The following ZNF69 variants were observed in gnomAD, a reference collection of about 807,000 sequenced individuals.
The protein encoded by ZNF69 is zinc finger protein 69, also known as ZNF3.
In ZNF69, 47 loss-of-function variants were observed where a neutral mutation model predicts 50.9. The ratio of observed to expected loss-of-function variants is 0.92; its 90% confidence interval spans 0.73 to 1.18. ZNF69 has a LOEUF of 1.18. Among genes scored for constraint, ZNF69 ranks in the 50% most tolerant of loss-of-function variants. ZNF69 has a pLI of 0.00. For synonymous variants in ZNF69, 216 were observed against 223.1 expected, an observed-to-expected ratio of 0.97 and a Z score of 0.29; for missense variants, 717 against 675.1, an observed-to-expected ratio of 1.06 and a Z score of -0.69.
chr19:11,976,263 T>G, the ZNF69 span, among the ~76,000 whole-genome samples: 1 of 151,650 alleles, frequency 6.6e-6, no homozygotes, highest in Non-Finnish European at 1.5e-5. Flanking sequence ...TTACGACAGG[T>G]GCTACAGACC....
Position 11,905,256 on chromosome 19 carries a change from A to C in ZNF69, c.859A>C (p.Ser287Arg). The change falls in exon 4 of 4, where the codon AGT becomes CGT. Residue 287 changes from serine to arginine, a missense_variant. Ser to Arg is a moderately radical substitution (Grantham distance 110). Coordinates refer to ENST00000429654, the MANE Select transcript of ZNF69 (RefSeq NM_001364730.1). The part of the protein sequence containing the change: ...ECQQCGKAFH[S>R]PRCYRRHERI... ...TCAGCAATGTGGGAAAGCATTTCATAGTCCCAGATGCTATCGTAGACATGA... is the reference window on the plus strand; with the variant it reads ...TCAGCAATGTGGGAAAGCATTTCATCGTCCCAGATGCTATCGTAGACATGA... 1 of 1,613,912 alleles carries C rather than the reference A, an allele frequency of 6.2e-7. No individual in the cohort carries two copies. The highest frequency in any genetic ancestry group is 1.1e-5 in the South Asian group (1 of 91,062).
At chr19:11,945,380 T>A in the ZNF69 span, among the ~76,000 whole-genome samples, 1 of 152,222 alleles carries the variant, frequency 6.6e-6, no homozygotes, top group African/African-American at 2.4e-5. Context: ...CTGAGCTTGA[T>A]TGACCAAGCA....
At chr19:11,979,962 A>G in the ZNF69 span, 1 of 1,229,744 alleles carries the variant, frequency 8.1e-7, no homozygotes, top group Non-Finnish European at 1.2e-6. Flanking sequence ...GAAAAATCTT[A>G]CACTGGAGAG....
the ZNF69 span, chr19:11,925,251 G>A: frequency 6.2e-7 from 1 of 1,613,006 alleles, no homozygotes; most frequent in Non-Finnish European, 8.5e-7. Flanking sequence ...GAGGACCCCG[G>A]TACATCTGAA....
At chr19:11,929,912 G>A in the ZNF69 span, among the ~76,000 whole-genome samples, 1 of 148,352 alleles carries the variant, frequency 6.7e-6, no homozygotes, top group African/African-American at 2.6e-5. Flanking sequence ...TTATCAGGAT[G>A]TCTTTGGGAT....
chr19:11,904,119 C>T (rs948971787), intron 3 of ZNF69, among the ~76,000 whole-genome samples, 154 bp downstream of exon 3: 2 of 152,150 alleles, frequency 1.3e-5, no homozygotes, highest in African/African-American at 2.4e-5. Context: ...GTGACCTAGG[C>T]TGTGGGCTCA....
At chr19:11,979,804 G>A in the ZNF69 span, 2 of 1,574,542 alleles carry the variant, frequency 1.3e-6, no homozygotes, top group Non-Finnish European at 1.7e-6. Flanking sequence ...ATGAGTGTAA[G>A]GAATGTGGGA....
At chr19:11,967,386 A>T in the ZNF69 span, among the ~76,000 whole-genome samples, 1 of 152,142 alleles carries the variant, frequency 6.6e-6, no homozygotes, top group South Asian at 2.1e-4. Context: ...CAACCTGGCT[A>T]ACACAGCAAG....
the ZNF69 span, among the ~76,000 whole-genome samples, chr19:11,935,467 G>A: frequency 8.6e-5 from 13 of 151,966 alleles, no homozygotes; most frequent in East Asian, 2.0e-4. Context: ...TCCTGACCTC[G>A]ATGATCCACC....
chr19:11,965,909 G>A, the ZNF69 span, among the ~76,000 whole-genome samples: 1 of 152,116 alleles, frequency 6.6e-6, no homozygotes, highest in African/African-American at 2.4e-5. Flanking sequence ...AGAAAGGGCG[G>A]GACCTGTGGA....
At chr19:11,944,749 G>A in the ZNF69 span, among the ~76,000 whole-genome samples, 8 of 152,184 alleles carry the variant, frequency 5.3e-5, no homozygotes, top group South Asian at 2.1e-4. Context: ...CAGCCGGGAC[G>A]GTTGGACCCT....
chr19:11,959,623 G>A, the ZNF69 span, among the ~76,000 whole-genome samples: 1 of 152,192 alleles, frequency 6.6e-6, no homozygotes, highest in Non-Finnish European at 1.5e-5. Flanking sequence ...TGTGGGTCAT[G>A]TAATTGATTC....
chr19:11,974,069 T>TTTTCTTTCTTTC, the ZNF69 span, among the ~76,000 whole-genome samples: 188 of 114,832 alleles, frequency 1.6e-3, 2 homozygotes, highest in Admixed American at 2.4e-3. Context: ...TCCTTCTTTC[T>TTTTCTTTCTTTC]TTTCTTTCTT....
At chr19:11,931,674 C>T in the ZNF69 span, among the ~76,000 whole-genome samples, 3 of 147,834 alleles carry the variant, frequency 2.0e-5, no homozygotes, top group African/African-American at 7.9e-5. Flanking sequence ...AGAGAGGTTA[C>T]ATCATAGTGA....
chr19:11,966,533 C>T, the ZNF69 span, among the ~76,000 whole-genome samples: 1 of 152,108 alleles, frequency 6.6e-6, no homozygotes, highest in African/African-American at 2.4e-5. Context: ...ACCACCATGC[C>T]TGGCTAATTT....
chr19:11,933,114 C>T, the ZNF69 span, among the ~76,000 whole-genome samples: 1 of 147,632 alleles, frequency 6.8e-6, no homozygotes, highest in Non-Finnish European at 1.5e-5. Flanking sequence ...TCATAGTTCC[C>T]CCTATTTTAA....
the ZNF69 span, among the ~76,000 whole-genome samples, chr19:11,925,940 C>G: frequency 6.6e-6 from 1 of 152,148 alleles, no homozygotes; most frequent in Admixed American, 6.5e-5. Flanking sequence ...AATGATGAAT[C>G]AGTGCCTGAA....
At chr19:11,908,190 C>T (rs1047410877), downstream of ZNF69, among the ~76,000 whole-genome samples, 6 of 152,192 alleles carry the variant, frequency 3.9e-5, no homozygotes, top group African/African-American at 1.4e-4. Flanking sequence ...TAGAGACCTA[C>T]AAAGAGACTT....
chr19:11,950,923 CA>C, the ZNF69 span: 1 of 159,712 alleles, frequency 6.3e-6, no homozygotes, highest in Non-Finnish European at 1.4e-5. Context: ...GAGGCCAAGG[CA>C]GGCGGATCAC....
Sources: allele counts gnomAD v4.1 joint callset (sites outside exome capture counted in the v4.1 genomes callset), GRCh38; gene constraint gnomAD v4.1.1; transcripts MANE v1.5; gene names NCBI Gene and HGNC (gene_info 2026-07-23, HGNC 2026-07-21).